The following ARHGAP24 variants were observed in gnomAD, a reference collection of about 807,000 sequenced individuals.
ARHGAP24 encodes Rho GTPase activating protein 24, also known as rho GTPase-activating protein 24.
A neutral mutation model predicts 76.4 loss-of-function variants in ARHGAP24; 50 were observed. That is an observed-to-expected ratio of 0.65 (90% CI 0.52 to 0.83). The LOEUF (loss-of-function observed/expected upper bound fraction) is 0.83, where lower values mean the gene tolerates loss of function less well. Among genes scored for constraint, ARHGAP24 ranks in the 40% least tolerant of loss-of-function variants. The pLI is 0.00. For synonymous variants in ARHGAP24, 345 were observed against 323.3 expected (o/e 1.07, Z -0.72); for missense variants, 930 against 914.2 (o/e 1.02, Z -0.22).
chr4:85,711,712 A>T (rs1462526061), intron 2 of ARHGAP24, among the ~76,000 whole-genome samples: 2 of 152,204 alleles, frequency 1.3e-5, no homozygotes, highest in African/African-American at 4.8e-5. Context: ...TAGCAAGGTC[A>T]TTGTATTCAG....
chr4:85,682,878 C>T (rs888566267), intron 2 of ARHGAP24, among the ~76,000 whole-genome samples: 1 of 152,054 alleles, frequency 6.6e-6, no homozygotes, highest in Non-Finnish European at 1.5e-5. Context: ...GCCAATATAC[C>T]TCATGCGTCT....
chr4:85,479,124 A>G (rs989825157), intron 1 of ARHGAP24, among the ~76,000 whole-genome samples: 2 of 152,218 alleles, frequency 1.3e-5, no homozygotes, highest in Non-Finnish European at 2.9e-5. Flanking sequence ...TCAGAAGTCC[A>G]TTTAAAAAAT....
intron 5 of ARHGAP24, among the ~76,000 whole-genome samples, chr4:85,947,402 C>T (rs954801714): frequency 2.0e-5 from 3 of 151,988 alleles, no homozygotes; most frequent in Non-Finnish European, 4.4e-5. Flanking sequence ...CATAAATTAT[C>T]TGCTAAGGTC....
chr4:85,962,767 C>A lies in ARHGAP24; in HGVS notation c.600-9269C>A, dbSNP rs1050005612. Among the ~76,000 whole-genome samples the A allele has an allele frequency of 7.9e-5, 12 of 151,112 alleles. No individual in the cohort carries two copies. In the East Asian group the frequency reaches 2.3e-3, roughly 29 times the overall value. On this transcript the variant is annotated intron_variant, in intron 5 of 9. Transcript: ENST00000395184. ...TGACTCCCAATCTAGATCTAGAATG[C>A]CCATGTTTATTAAAAGTCTTAAGCA...
chr4:85,605,103 T>G (rs574967725), intron 2 of ARHGAP24, among the ~76,000 whole-genome samples: 4 of 152,264 alleles, frequency 2.6e-5, no homozygotes, highest in African/African-American at 9.6e-5. Context: ...CACTCTAAAG[T>G]GTTAATGGTT....
intron 2 of ARHGAP24, among the ~76,000 whole-genome samples, chr4:85,632,356 C>T (rs755190693): frequency 1.3e-5 from 2 of 151,974 alleles, no homozygotes; most frequent in Non-Finnish European, 1.5e-5. Context: ...TTATGTGTCA[C>T]GTAACTGGAG....
At chr4:85,700,755 CTT>C (rs1309793661) in intron 2 of ARHGAP24, among the ~76,000 whole-genome samples, 1 of 152,042 alleles carries the variant, frequency 6.6e-6, no homozygotes, top group African/African-American at 2.4e-5. Flanking sequence ...TAAAAAGACT[CTT>C]TTATTATGAA....
At chr4:85,603,596 C>A (rs1380146055) in intron 2 of ARHGAP24, among the ~76,000 whole-genome samples, 1 of 152,150 alleles carries the variant, frequency 6.6e-6, no homozygotes, top group East Asian at 1.9e-4. Context: ...CCTCAGCTGA[C>A]AGTCAAACTG....
At chr4:85,671,674 T>C (rs1037396642) in intron 2 of ARHGAP24, among the ~76,000 whole-genome samples, 4 of 152,226 alleles carry the variant, frequency 2.6e-5, no homozygotes, top group African/African-American at 9.6e-5. Flanking sequence ...ATACTTTTTA[T>C]GTATCCAGTA....
Position 85,813,818 on chromosome 4 carries a change from T to TTATATATATATATATATATATATATA in ARHGAP24, c.268+91871_268+91872insATATATATATATATATATATATATAT, listed in dbSNP as rs35261368. 1.2e-3 allele frequency among the ~76,000 whole-genome samples: 162 copies of TTATATATATATATATATATATATATA among 137,056 alleles called. 3 individuals carry two copies. Among genetic ancestry groups the TTATATATATATATATATATATATATA allele is most frequent in the African/African-American group, 4.3e-3 (156 of 36,074 alleles). 89.9% of individuals were successfully genotyped at this position (137,056 alleles called of 152,430 possible). ...TTATATAAATATATATATATTTATTTTATATATATATATATATATATATAT... is the reference window on the plus strand; with the variant it reads ...TTATATAAATATATATATATTTATTTTATATATATATATATATATATATATATATATATATATATATATATATATAT... On this transcript the variant is annotated intron_variant, in intron 3 of 9. Coordinates refer to ENST00000395184, the MANE Select transcript of ARHGAP24 (RefSeq NM_001025616.3).
At chr4:85,913,083 T>G (rs1411409620) in intron 3 of ARHGAP24, among the ~76,000 whole-genome samples, 1 of 152,084 alleles carries the variant, frequency 6.6e-6, no homozygotes, top group African/African-American at 2.4e-5. Flanking sequence ...CATATAAACA[T>G]TCCTTAATAT....
chr4:85,833,302 GCTAT>G (rs986569147), intron 3 of ARHGAP24, among the ~76,000 whole-genome samples: 6 of 152,150 alleles, frequency 3.9e-5, no homozygotes, highest in African/African-American at 9.7e-5. Context: ...GATTCAAAAA[GCTAT>G]CTATCAAGAG....
At chr4:85,962,274 C>T (rs1171508906) in intron 5 of ARHGAP24, among the ~76,000 whole-genome samples, 1 of 151,988 alleles carries the variant, frequency 6.6e-6, no homozygotes, top group African/African-American at 2.4e-5. Context: ...TATCAGGAAT[C>T]AAAGGTTAGG....
intron 2 of ARHGAP24, among the ~76,000 whole-genome samples, chr4:85,616,997 G>A (rs1015807333): frequency 6.6e-6 from 1 of 150,630 alleles, no homozygotes; most frequent in Admixed American, 6.6e-5. Context: ...GCATTTATTT[G>A]CATAACCAAA....
intron 2 of ARHGAP24, among the ~76,000 whole-genome samples, chr4:85,623,672 T>G (rs543033717): frequency 1.3e-5 from 2 of 151,710 alleles, no homozygotes; most frequent in Non-Finnish European, 2.9e-5. Flanking sequence ...ATCTATAAAT[T>G]ACCATGGGCA....
chr4:86,000,592 G>A lies in ARHGAP24; in HGVS notation c.2117G>A (p.Arg706Gln), dbSNP rs779683067. The change falls in exon 10 of 10, where the codon CGA becomes CAA. Residue 706 changes from arginine to glutamine, a missense_variant. Coordinates refer to ENST00000395184, the MANE Select transcript of ARHGAP24 (RefSeq NM_001025616.3). ...GAAATAAAAATGCGAAATGCCGAGC[G>A]AGCAAAAGAAGATGCCGAGAAAAGA... Reference protein sequence around the residue: ...MIEIKMRNAERAKEDAEKRND... With the variant: ...MIEIKMRNAEQAKEDAEKRND... 1.5e-5 allele frequency: 25 copies of A among 1,613,716 alleles called. No homozygotes were observed. The highest frequency in any genetic ancestry group is 1.2e-4 in the African/African-American group (9 of 74,830).
At chr4:85,669,358 T>TTG (rs1289264616) in intron 2 of ARHGAP24, among the ~76,000 whole-genome samples, 1 of 152,026 alleles carries the variant, frequency 6.6e-6, no homozygotes, top group Non-Finnish European at 1.5e-5. Context: ...TGGCAGTGTG[T>TTG]TGTAGCAGCA....
chr4:85,519,741 A>AT (rs1171103635), intron 1 of ARHGAP24, among the ~76,000 whole-genome samples: 1 of 152,112 alleles, frequency 6.6e-6, no homozygotes, highest in Non-Finnish European at 1.5e-5. Flanking sequence ...TTGCTGTAGG[A>AT]TTAAGGCACC....
intron 2 of ARHGAP24, among the ~76,000 whole-genome samples, chr4:85,583,961 T>C (rs1190409869): frequency 6.7e-6 from 1 of 150,352 alleles, no homozygotes; most frequent in East Asian, 2.0e-4. Context: ...GGAGAGGATG[T>C]GCAGAAATAG....
Sources: allele counts gnomAD v4.1 joint callset (sites outside exome capture counted in the v4.1 genomes callset), GRCh38; gene constraint gnomAD v4.1.1; transcripts MANE v1.5; gene names NCBI Gene and HGNC (gene_info 2026-07-23, HGNC 2026-07-21).